The following SLC25A12 variants were observed in gnomAD, a reference collection of about 807,000 sequenced individuals.
SLC25A12 encodes the protein electrogenic aspartate/glutamate antiporter SLC25A12, mitochondrial.
SLC25A12 carries 32 observed loss-of-function variants against 83.3 expected under a neutral mutation model. The observed-to-expected ratio is 0.38, with a 90% CI of 0.29 to 0.52. SLC25A12 has a LOEUF of 0.52. Among genes scored for constraint, SLC25A12 ranks in the 20% least tolerant of loss-of-function variants. SLC25A12 has a pLI of 0.84. For missense variants in SLC25A12, 611 were observed against 835.6 expected (o/e 0.73, Z 3.31); for synonymous variants, 267 against 291.1 (o/e 0.92, Z 0.84).
intron 9 of SLC25A12, among the ~76,000 whole-genome samples, chr2:171,824,265 C>T (rs1474785402): frequency 6.6e-6 from 1 of 152,180 alleles, no homozygotes; most frequent in Non-Finnish European, 1.5e-5. Context: ...GAATTCACAG[C>T]AGTAGCAAAA....
intron 9 of SLC25A12, among the ~76,000 whole-genome samples, chr2:171,825,742 C>A (rs796560248): frequency 5.9e-5 from 9 of 152,302 alleles, no homozygotes; most frequent in African/African-American, 2.2e-4. Flanking sequence ...AACCCTTACC[C>A]ACACACAAAA....
At chr2:171,819,967 G>C (rs538439989) in intron 9 of SLC25A12, among the ~76,000 whole-genome samples, 5 of 152,268 alleles carry the variant, frequency 3.3e-5, no homozygotes, top group African/African-American at 9.6e-5. Flanking sequence ...ACTAACACAG[G>C]AACAGAAAGC....
At chr2:171,875,532 T>A (rs1202748850) in intron 2 of SLC25A12, among the ~76,000 whole-genome samples, 1 of 152,002 alleles carries the variant, frequency 6.6e-6, no homozygotes, top group Non-Finnish European at 1.5e-5. Context: ...GGTGAAAAAA[T>A]TCCTGTTTGG....
intron 3 of SLC25A12, among the ~76,000 whole-genome samples, chr2:171,857,743 G>C (rs1041681533): frequency 6.6e-6 from 1 of 151,042 alleles, no homozygotes; most frequent in African/African-American, 2.4e-5. Flanking sequence ...AAAAAGGTGG[G>C]AGCCAGGTGC....
intron 13 of SLC25A12, among the ~76,000 whole-genome samples, chr2:171,807,295 AATGAGTC>A: frequency 6.6e-6 from 1 of 152,188 alleles, no homozygotes; most frequent in Admixed American, 6.5e-5. Flanking sequence ...AGCCTCCAGA[AATGAGTC>A]ATGATTAAGG....
At chr2:171,798,273 A>G (rs1413787609) in intron 13 of SLC25A12, among the ~76,000 whole-genome samples, 1 of 152,236 alleles carries the variant, frequency 6.6e-6, no homozygotes, top group Non-Finnish European at 1.5e-5. Context: ...ATGCCTCCAC[A>G]GTGCCAAAGG....
At chr2:171,845,880 A>G (rs1017209938) in intron 4 of SLC25A12, 1 of 452,198 alleles carries the variant, frequency 2.2e-6, no homozygotes, top group South Asian at 1.6e-5. Context: ...CAAATACTTC[A>G]AAGTTTTCAA....
intron 2 of SLC25A12, among the ~76,000 whole-genome samples, chr2:171,888,115 G>T: frequency 7.3e-6 from 1 of 136,508 alleles, no homozygotes. Context: ...TTTTTTTGGA[G>T]ACAAAGTCTT....
chr2:171,799,718 C>G (rs1683670116), intron 13 of SLC25A12, among the ~76,000 whole-genome samples: 1 of 152,210 alleles, frequency 6.6e-6, no homozygotes, highest in Non-Finnish European at 1.5e-5. Flanking sequence ...CAACCATGCT[C>G]TCTGCCTCAC....
intron 3 of SLC25A12, among the ~76,000 whole-genome samples, chr2:171,859,200 A>C (rs906709271): frequency 1.2e-4 from 19 of 152,344 alleles, no homozygotes; most frequent in African/African-American, 4.3e-4. Flanking sequence ...CTATTGGGGT[A>C]ATACTCAGCC....
At chr2:171,883,529 C>T (rs942674029) in intron 2 of SLC25A12, among the ~76,000 whole-genome samples, 5 of 152,170 alleles carry the variant, frequency 3.3e-5, no homozygotes, top group South Asian at 2.1e-4. Context: ...ATCGGCCAGG[C>T]GTAGTGGCTC....
At position 171,813,438 on chromosome 2, in the gene SLC25A12, G is replaced by A; in HGVS notation, c.1072C>T (p.Arg358Cys). 1 of 1,614,030 alleles carries A rather than the reference G, an allele frequency of 6.2e-7. No homozygotes were observed. Among genetic ancestry groups the A allele is most frequent in the Non-Finnish European group, 8.5e-7 (1 of 1,179,938 alleles). Residue 358 changes from arginine to cysteine, a missense_variant, in exon 11 of 18, where the codon CGT (arginine) becomes TGT (cysteine). By Grantham distance (180) the Arg-to-Cys change is radical. Transcript: ENST00000422440. ...DLVKTRMQNQ[R>C]GSGSVVGELM... Reference sequence around the variant, plus strand: ...TCCCCAACAACAGAGCCAGAGCCACGCTGGTTTTGCATTCGGGTCTTCACC... The same window carrying A: ...TCCCCAACAACAGAGCCAGAGCCACACTGGTTTTGCATTCGGGTCTTCACC...
chr2:171,815,152 A>G lies in SLC25A12; in HGVS notation c.981T>C (p.Ala327=). ...CAACTGAGCCCAGAGTGAATCTGTA[A>G]GCAGACTCGGCAATCTGGAGCCAGA... ...RPIWLQIAES[A]YRFTLGSVAG... Residue 327 remains alanine, a synonymous_variant, in exon 10 of 18, where the codon GCT becomes GCC. Coordinates refer to ENST00000422440, the MANE Select transcript of SLC25A12 (RefSeq NM_003705.5). 1 of 1,613,906 alleles carries G rather than the reference A, an allele frequency of 6.2e-7. No individual in the cohort carries two copies. The highest frequency in any genetic ancestry group is 1.7e-4 in the Middle Eastern group (1 of 6,060).
chr2:171,838,571 G>A (rs1684608340), intron 5 of SLC25A12, among the ~76,000 whole-genome samples: 1 of 151,942 alleles, frequency 6.6e-6, no homozygotes, highest in Admixed American at 6.6e-5. Flanking sequence ...ATATCAAATG[G>A]TAGCCATGGG....
At chr2:171,833,635 A>G (rs1000173452) in intron 8 of SLC25A12, among the ~76,000 whole-genome samples, 1 of 151,496 alleles carries the variant, frequency 6.6e-6, no homozygotes, top group African/African-American at 2.4e-5. Flanking sequence ...TTCTTCTCCC[A>G]TTTCACTCTC....
At chr2:171,802,984 T>C (rs887395553) in intron 13 of SLC25A12, among the ~76,000 whole-genome samples, 4 of 151,926 alleles carry the variant, frequency 2.6e-5, no homozygotes, top group African/African-American at 9.7e-5. Context: ...TGTGTGTGTG[T>C]ACACATGTGC....
chr2:171,836,888 A>C (rs1684568013), intron 6 of SLC25A12, among the ~76,000 whole-genome samples: 3 of 142,246 alleles, frequency 2.1e-5, no homozygotes, highest in South Asian at 4.8e-4. Flanking sequence ...TGATCCGGGA[A>C]AAGATAACTC....
intron 8 of SLC25A12, among the ~76,000 whole-genome samples, chr2:171,827,965 T>C (rs1396088718): frequency 6.6e-6 from 1 of 152,156 alleles, no homozygotes; most frequent in African/African-American, 2.4e-5. Context: ...CTGCTCTCTT[T>C]CCCTTTTCCA....
intron 3 of SLC25A12, among the ~76,000 whole-genome samples, chr2:171,863,116 T>A (rs1349517306): frequency 5.3e-5 from 8 of 152,140 alleles, no homozygotes; most frequent in Non-Finnish European, 1.2e-4. Flanking sequence ...TTGTCCAAGC[T>A]GGTCTCAAAC....
Sources: gnomAD v4.1 joint callset for allele counts (sites outside exome capture counted in the v4.1 genomes callset) on GRCh38, gnomAD v4.1.1 for gene constraint, MANE v1.5 for transcripts, NCBI Gene and HGNC (gene_info 2026-07-23, HGNC 2026-07-21) for gene names.